The following CWC22 variants were observed in gnomAD, a reference collection of about 807,000 sequenced individuals.
CWC22 encodes CWC22 spliceosome associated protein.
A neutral mutation model predicts 117.2 loss-of-function variants in CWC22; 53 were observed. That is an observed-to-expected ratio of 0.45 (90% CI 0.36 to 0.57). The LOEUF is 0.57. CWC22 is among the 20% of genes least tolerant of loss of function. The pLI is 0.00. For synonymous variants in CWC22, 360 were observed against 355.6 expected (o/e 1.01, Z -0.14); for missense variants, 980 against 1,068.8 (o/e 0.92, Z 1.16).
intron 4 of CWC22, among the ~76,000 whole-genome samples, 198 bp from the exon 5 acceptor site, chr2:179,982,195 G>A (rs1687303169): frequency 6.6e-6 from 1 of 152,102 alleles, no homozygotes; most frequent in Admixed American, 6.6e-5. Flanking sequence ...TTTAGACTGG[G>A]GGCAAGTCGG....
intron 6 of CWC22, among the ~76,000 whole-genome samples, chr2:179,976,791 C>T (rs1004321264): frequency 1.3e-5 from 2 of 152,136 alleles, no homozygotes; most frequent in Non-Finnish European, 2.9e-5. Context: ...AATGCTTGTA[C>T]ACTGTTGGTA....
At chr2:179,984,955 T>C (rs1687380049) in intron 4 of CWC22, among the ~76,000 whole-genome samples, 1 of 152,086 alleles carries the variant, frequency 6.6e-6, no homozygotes, top group Admixed American at 6.6e-5. Flanking sequence ...ACTAATATTT[T>C]AAAGTTGTCA....
At chr2:179,995,928 GGA>G (rs1687687207) in intron 1 of CWC22, among the ~76,000 whole-genome samples, 1 of 152,164 alleles carries the variant, frequency 6.6e-6, no homozygotes, top group African/African-American at 2.4e-5. Flanking sequence ...ATCCAGGAGG[GGA>G]GAGAGTCAGT....
chr2:179,979,674 CT>C (rs1687240037), intron 5 of CWC22, among the ~76,000 whole-genome samples: 1 of 152,124 alleles, frequency 6.6e-6, no homozygotes, highest in Non-Finnish European at 1.5e-5. Context: ...TATTTTGTTT[CT>C]AAATTCTCTA....
intron 12 of CWC22, 30 bp downstream of exon 12, chr2:179,965,848 T>G (rs1211284957): frequency 7.4e-7 from 1 of 1,344,810 alleles, no homozygotes; most frequent in Admixed American, 1.8e-5. Flanking sequence ...GAGTATCTTA[T>G]AATATTATTT....
rs150847969 is a variant in CWC22, at chr2:179,978,047, A to G, written c.581+143T>C. Reference sequence around the variant, plus strand: ...TTATTTCTTAGCAGTCTATATTTTTATAAGTCCTGCATTTTAAATAAATAT... The same window carrying G: ...TTATTTCTTAGCAGTCTATATTTTTGTAAGTCCTGCATTTTAAATAAATAT... On this transcript the variant is annotated intron_variant, in intron 6 of 19. Coordinates refer to ENST00000410053, the MANE Select transcript of CWC22 (RefSeq NM_020943.3). 4.6e-6 allele frequency: 5 copies of G among 1,075,328 alleles called. No homozygotes were observed. In the African/African-American group the frequency reaches 6.6e-5, roughly 14 times the overall value. 66.6% of individuals were successfully genotyped at this position (1,075,328 alleles called of 1,614,324 possible).
chr2:179,960,636 T>TATA (rs1686728276), intron 13 of CWC22, among the ~76,000 whole-genome samples: 1 of 151,940 alleles, frequency 6.6e-6, no homozygotes, highest in Admixed American at 6.6e-5. Flanking sequence ...TGACTCTCAT[T>TATA]TTTATAGATG....
In CWC22 at chr2:179,952,455, T is replaced by G. The variant is rs566590140; in HGVS notation, c.1817+16A>C. ...AGAGGTCAATAAGAATAAAAAGTGC[T>G]TAATGGCAAACTTACTCATCCTTTA... On this transcript the variant is annotated intron_variant, in intron 17 of 19. Coordinates refer to ENST00000410053, the MANE Select transcript of CWC22 (RefSeq NM_020943.3). The G allele has an allele frequency of 1.9e-6, 3 of 1,552,288 alleles. No individual in the cohort carries two copies. The highest frequency in any genetic ancestry group is 2.6e-6 in the Non-Finnish European group (3 of 1,149,180).
At chr2:179,954,895 G>A in intron 15 of CWC22, 62 bp downstream of exon 15, 1 of 993,554 alleles carries the variant, frequency 1.0e-6, no homozygotes, top group Non-Finnish European at 1.6e-6. Flanking sequence ...AGACCATAAA[G>A]CAGAAATCAT....
chr2:179,959,103 G>A, intron 13 of CWC22, 21 bp from the exon 14 acceptor site: 2 of 1,506,748 alleles, frequency 1.3e-6, no homozygotes, highest in South Asian at 1.2e-5. Context: ...GATCACAATA[G>A]GTTAAAAGCT....
chr2:179,950,971 A>G, intron 17 of CWC22, 45 bp from the exon 18 acceptor site: 2 of 1,191,158 alleles, frequency 1.7e-6, no homozygotes, highest in Non-Finnish European at 2.4e-6. Context: ...TTGCTTAAAG[A>G]TAAAAAGGTA....
chr2:179,965,943 T>C lies in CWC22; in HGVS notation c.1250A>G (p.Gln417Arg), dbSNP rs1339171865. 8.1e-6 allele frequency: 13 copies of C among 1,612,446 alleles called. No homozygotes were observed. Among genetic ancestry groups the C allele is most frequent in the South Asian group, 1.1e-5 (1 of 90,984 alleles). The part of the protein sequence containing the change: ...DEGDTDSNTD[Q>R]DAGSSEEDEE... ...GTCCTCTTCACTACTCCCAGCATCC[T>C]GGTCTGTGTTCGAGTCAGTATCTCC... Residue 417 changes from glutamine (Q) to arginine (R), a missense_variant, in exon 12 of 20, where the codon CAG becomes CGG. Coordinates refer to ENST00000410053, the MANE Select transcript of CWC22 (RefSeq NM_020943.3).
intron 8 of CWC22, among the ~76,000 whole-genome samples, chr2:179,971,969 G>T (rs571436533): frequency 6.6e-6 from 1 of 152,304 alleles, no homozygotes; most frequent in South Asian, 2.1e-4. Flanking sequence ...ACAGCTGGAA[G>T]ATGCAAAAAA....
At chr2:179,950,037 C>G (rs372894047) in intron 19 of CWC22, among the ~76,000 whole-genome samples, 7 of 152,262 alleles carry the variant, frequency 4.6e-5, no homozygotes, top group African/African-American at 1.7e-4. Context: ...CAGAGAACTT[C>G]TGGGGTACCG....
In CWC22 at chr2:179,968,759, G is replaced by A. The variant is rs6713785; in HGVS notation, c.1210+1742C>T. The stretch of plus-strand genomic sequence containing the variant: ...ATTTTTATATTTTTAGTAGAGACAG[G>A]ATTTCACCATGTTGGTCAGACTAGT... On this transcript the variant is annotated intron_variant, in intron 11 of 19. Coordinates refer to ENST00000410053, the MANE Select transcript of CWC22 (RefSeq NM_020943.3). 3.8e-3 allele frequency among the ~76,000 whole-genome samples: 583 copies of A among 151,876 alleles called. 3 individuals are homozygous for A. The highest frequency in any genetic ancestry group is 0.014 in the African/African-American group (563 of 41,440).
intron 17 of CWC22, among the ~76,000 whole-genome samples, chr2:179,951,313 G>A (rs1003253045): frequency 2.0e-5 from 3 of 151,796 alleles, no homozygotes; most frequent in Non-Finnish European, 2.9e-5. Flanking sequence ...GTATGTACAC[G>A]TACACACACA....
chr2:179,963,352 T>TC lies in CWC22; in HGVS notation c.1397+1194_1397+1195insG, dbSNP rs1471012874. ...ATTTAATACTTTTTTTTTTTTTTTT[T>TC]TTTTTTTTGAGACGGAGTCTCGCTC... is the stretch of plus-strand genomic sequence containing the variant. On this transcript the variant is annotated intron_variant, in intron 13 of 19. Transcript: ENST00000410053. Among the ~76,000 whole-genome samples the TC allele has an allele frequency of 1.2e-4, 17 of 137,606 alleles. No individual in the cohort carries two copies. In the East Asian group the frequency reaches 3.5e-3, roughly 29 times the overall value. The allele number at this position is 137,606 out of a possible 152,430, so 90.3% of individuals were successfully genotyped here.
intron 4 of CWC22, among the ~76,000 whole-genome samples, chr2:179,983,830 C>T (rs1438527529): frequency 6.6e-6 from 1 of 152,094 alleles, no homozygotes; most frequent in Non-Finnish European, 1.5e-5. Context: ...ATTGCTTCTT[C>T]TTGTGAATAT....
At chr2:179,951,312 C>T (rs902251413) in intron 17 of CWC22, among the ~76,000 whole-genome samples, 4 of 151,762 alleles carry the variant, frequency 2.6e-5, no homozygotes, top group Non-Finnish European at 5.9e-5. Context: ...TGTATGTACA[C>T]GTACACACAC....
Sources: allele counts gnomAD v4.1 joint callset (sites outside exome capture counted in the v4.1 genomes callset), GRCh38; gene constraint gnomAD v4.1.1; transcripts MANE v1.5; gene names NCBI Gene and HGNC (gene_info 2026-07-23, HGNC 2026-07-21).